The following ARHGEF18 variants were observed in gnomAD, a reference collection of about 807,000 sequenced individuals.
ARHGEF18 encodes rho guanine nucleotide exchange factor 18.
Under a neutral mutation model 155.7 loss-of-function variants are expected in ARHGEF18, and 93 were observed. The ratio of observed to expected loss-of-function variants is 0.60; its 90% confidence interval spans 0.50 to 0.71. ARHGEF18 has a LOEUF of 0.71. Among genes scored for constraint, ARHGEF18 ranks in the 30% least tolerant of loss-of-function variants. The probability of loss-of-function intolerance (pLI) is 0.00; values close to 1 mark genes in which losing one functional copy is unlikely to be tolerated. For synonymous variants in ARHGEF18, 742 were observed against 753.1 expected, an observed-to-expected ratio of 0.99 and a Z score of 0.24; for missense variants, 1,593 against 1,816.1, an observed-to-expected ratio of 0.88 and a Z score of 2.23.
chr19:7,388,579 A>T (rs1210025422), intron 10 of ARHGEF18, among the ~76,000 whole-genome samples: 1 of 151,690 alleles, frequency 6.6e-6, no homozygotes. Flanking sequence ...TTTTATTTTT[A>T]TTTTTATTTA....
chr19:7,364,406 C>CAGGA (rs1969797360), intron 2 of ARHGEF18, among the ~76,000 whole-genome samples: 1 of 29,502 alleles, frequency 3.4e-5, no homozygotes, highest in Non-Finnish European at 9.5e-5. Flanking sequence ...GGAAGGAAGG[C>CAGGA]AGGCTGACTA....
At chr19:7,479,905 G>T in the ARHGEF18 span, among the ~76,000 whole-genome samples, 1 of 152,136 alleles carries the variant, frequency 6.6e-6, no homozygotes, top group Admixed American at 6.6e-5. Flanking sequence ...GCTGTGTGTG[G>T]GGGTATATGG....
chr19:7,433,567 G>A (rs1047593702), intron 10 of ARHGEF18, among the ~76,000 whole-genome samples: 4 of 148,478 alleles, frequency 2.7e-5, no homozygotes, highest in Non-Finnish European at 4.4e-5. Context: ...ACTTTGAACA[G>A]GCTAGTAACT....
At chr19:7,437,245 A>G (rs1974317370) in intron 10 of ARHGEF18, among the ~76,000 whole-genome samples, 1 of 152,124 alleles carries the variant, frequency 6.6e-6, no homozygotes, top group Non-Finnish European at 1.5e-5. Flanking sequence ...CCTGACCAAC[A>G]TGGAGAAACT....
chr19:7,456,406 A>G lies in ARHGEF18; in HGVS notation c.2181+3A>G, dbSNP rs761252240. On this transcript the variant is annotated splice_donor_region_variant and intron_variant, in intron 18 of 28. Coordinates refer to ENST00000668164, the MANE Select transcript of ARHGEF18 (RefSeq NM_001367823.1). Reference sequence around the variant, plus strand: ...AGAAATACGTCTTTGCTTCTGTGGTATGTATCCTGTCTCTTCAGACGAAGG... The same window carrying G: ...AGAAATACGTCTTTGCTTCTGTGGTGTGTATCCTGTCTCTTCAGACGAAGG... 2 of 1,613,684 alleles carry G rather than the reference A, an allele frequency of 1.2e-6. No individual in the cohort carries two copies. The highest frequency in any genetic ancestry group is 1.7e-6 in the Non-Finnish European group (2 of 1,179,650).
intron 1 of ARHGEF18, among the ~76,000 whole-genome samples, chr19:7,360,581 G>T (rs748210701): frequency 1.3e-5 from 2 of 152,148 alleles, no homozygotes; most frequent in Non-Finnish European, 2.9e-5. Context: ...GACCTTCAGG[G>T]TTCACAGATA....
At chr19:7,426,202 A>G (rs936025993) in intron 10 of ARHGEF18, among the ~76,000 whole-genome samples, 2 of 151,610 alleles carry the variant, frequency 1.3e-5, no homozygotes, top group African/African-American at 2.4e-5. Flanking sequence ...AGCAGCAAAG[A>G]ATAACCTGGG....
intron 10 of ARHGEF18, among the ~76,000 whole-genome samples, chr19:7,384,829 C>G (rs1046346831): frequency 6.6e-6 from 1 of 151,834 alleles, no homozygotes; most frequent in African/African-American, 2.4e-5. Context: ...GTAGCTGGGT[C>G]TACAGGTGTG....
intron 27 of ARHGEF18, 55 bp downstream of exon 27, chr19:7,469,186 T>C: frequency 6.7e-7 from 1 of 1,492,958 alleles, no homozygotes; most frequent in South Asian, 1.3e-5. Flanking sequence ...GGTCAGGCTC[T>C]AGCGGCTCGC....
chr19:7,357,574 C>T (rs1969362234), intron 1 of ARHGEF18, among the ~76,000 whole-genome samples: 1 of 152,292 alleles, frequency 6.6e-6, no homozygotes, highest in East Asian at 1.9e-4. Context: ...AACAGAGCCC[C>T]TTTCCCTGAG....
intron 10 of ARHGEF18, chr19:7,439,661 T>TGG: frequency 8.5e-7 from 1 of 1,171,692 alleles, no homozygotes; most frequent in Admixed American, 4.3e-5. Context: ...TAGAATTCTG[T>TGG]TCGAGTGCTG....
chr19:7,392,426 C>G (rs1971455425), intron 10 of ARHGEF18, among the ~76,000 whole-genome samples: 1 of 149,110 alleles, frequency 6.7e-6, no homozygotes, highest in South Asian at 2.1e-4. Flanking sequence ...ATGGCCAGAC[C>G]CAGTGGCTCA....
rs561841309 is a variant in ARHGEF18 at position 7,366,893 on chromosome 19, G to A, written c.15+3988G>A. Among the ~76,000 whole-genome samples the A allele has an allele frequency of 3.3e-5, 5 of 151,656 alleles. No homozygotes were observed. In the South Asian group the frequency reaches 1.0e-3, roughly 31 times the overall value. ...CCCTCCCACCTCAGTTTCCAGAGTA[G>A]CTGGGACTACAGGTGCACGCCACCA... is the stretch of plus-strand genomic sequence containing the variant. On this transcript the variant is annotated intron_variant, in intron 2 of 28. Coordinates refer to ENST00000668164, the MANE Select transcript of ARHGEF18 (RefSeq NM_001367823.1).
chr19:7,363,731 G>A (rs1969738083), intron 2 of ARHGEF18, among the ~76,000 whole-genome samples: 1 of 149,822 alleles, frequency 6.7e-6, no homozygotes. Context: ...AAGATGGATG[G>A]GTGAAAGGAA....
At chr19:7,445,003 T>C (rs148285986) in intron 14 of ARHGEF18, among the ~76,000 whole-genome samples, 1 of 152,322 alleles carries the variant, frequency 6.6e-6, no homozygotes, top group East Asian at 1.9e-4. Flanking sequence ...CTTACAGCGA[T>C]GCCTGCAGTT....
Position 7,441,720 on chromosome 19 carries a change from T to A in ARHGEF18, c.1174T>A (p.Ser392Thr), listed in dbSNP as rs775036884. The change falls in exon 12 of 29, where the codon TCT becomes ACT. Residue 392 changes from serine to threonine, a missense_variant. Physicochemically the swap from Ser to Thr is moderately conservative, Grantham distance 58 (BLOSUM62 1). Transcript: ENST00000668164. ...AAAATTTAAGCAGACAGCTGATGAC[T>A]CTCTGTCCCTTACATCTCCAAACAC... is the stretch of plus-strand genomic sequence containing the variant. ...FLKFKQTADD[S>T]LSLTSPNTES... 1 of 1,614,200 alleles carries A rather than the reference T, an allele frequency of 6.2e-7. No individual in the cohort carries two copies. The highest frequency in any genetic ancestry group is 1.1e-5 in the South Asian group (1 of 91,086).
chr19:7,403,239 G>A (rs575595003), intron 10 of ARHGEF18, among the ~76,000 whole-genome samples: 100 of 152,182 alleles, frequency 6.6e-4, no homozygotes, highest in South Asian at 1.2e-3. Flanking sequence ...CACCACACCC[G>A]GCCAAATCAG....
At chr19:7,418,247 TG>T (rs1209829222) in intron 10 of ARHGEF18, among the ~76,000 whole-genome samples, 5 of 152,064 alleles carry the variant, frequency 3.3e-5, no homozygotes, top group Non-Finnish European at 5.9e-5. Flanking sequence ...TTTGTGTTTG[TG>T]GGGTTTTTTT....
chr19:7,380,996 T>G lies in ARHGEF18; in HGVS notation c.722+2T>G. The G allele has an allele frequency of 8.1e-7, 1 of 1,231,950 alleles. No individual in the cohort carries two copies. Among genetic ancestry groups the G allele is most frequent in the Non-Finnish European group, 1.0e-6 (1 of 987,968 alleles). 76.3% of individuals were successfully genotyped at this position (1,231,950 alleles called of 1,614,324 possible). Reference sequence around the variant, plus strand: ...GACCTGGTTTGAATTCCTGTCGGAGTAAGTACACAGATCTGCTTCTGGGGA... The same window carrying G: ...GACCTGGTTTGAATTCCTGTCGGAGGAAGTACACAGATCTGCTTCTGGGGA... On this transcript the variant is annotated splice_donor_variant, in intron 8 of 28. Coordinates refer to ENST00000668164, the MANE Select transcript of ARHGEF18 (RefSeq NM_001367823.1). LOFTEE classifies it high-confidence loss of function.
Sources: allele counts gnomAD v4.1 joint callset (sites outside exome capture counted in the v4.1 genomes callset), GRCh38; gene constraint gnomAD v4.1.1; transcripts MANE v1.5; gene names NCBI Gene and HGNC (gene_info 2026-07-23, HGNC 2026-07-21).